Variants in EGFR observed in about 807,000 individuals in gnomAD.
The protein encoded by EGFR is avian erythroblastic leukemia viral (v-erb-b) oncogene homolog.
A neutral mutation model predicts 143.0 loss-of-function variants in EGFR; 58 were observed. The observed-to-expected ratio is 0.41, with a 90% CI of 0.33 to 0.50. The LOEUF is 0.50. Ranked by LOEUF, EGFR falls within the 20% of genes least tolerant of loss-of-function variation. The pLI, the probability that EGFR is intolerant of heterozygous loss-of-function variation, is 0.39. For missense variants in EGFR, 1,307 were observed against 1,579.0 expected, an observed-to-expected ratio of 0.83 and a Z score of 2.92; for synonymous variants, 613 against 594.4, an observed-to-expected ratio of 1.03 and a Z score of -0.45.
chr7:55,154,235 C>G (rs1785299231), intron 7 of EGFR, 83 bp downstream of exon 7: 2 of 1,598,066 alleles, frequency 1.3e-6, no homozygotes, highest in African/African-American at 2.7e-5. Flanking sequence ...AGTATCCCAT[C>G]TTGGAGAGTC....
intron 1 of EGFR, among the ~76,000 whole-genome samples, chr7:55,074,187 C>T (rs1356558347): frequency 1.3e-5 from 2 of 152,208 alleles, no homozygotes; most frequent in Non-Finnish European, 2.9e-5. Context: ...AAGAGGCCAG[C>T]CCCACCCTTC....
At chr7:55,050,503 ACTTGGGT>A in intron 1 of EGFR, among the ~76,000 whole-genome samples, 1 of 152,214 alleles carries the variant, frequency 6.6e-6, no homozygotes, top group Non-Finnish European at 1.5e-5. Flanking sequence ...ACGGGAGGGC[ACTTGGGT>A]TGCTTCTGCT....
chr7:55,176,665 A>G (rs1424735722), intron 19 of EGFR, among the ~76,000 whole-genome samples: 3 of 151,904 alleles, frequency 2.0e-5, no homozygotes, highest in Non-Finnish European at 4.4e-5. Context: ...GTGAGCTAAA[A>G]TCTCACCACT....
chr7:55,062,322 G>C (rs1196631449), intron 1 of EGFR, among the ~76,000 whole-genome samples: 7 of 152,182 alleles, frequency 4.6e-5, no homozygotes, highest in Non-Finnish European at 8.8e-5. Context: ...GGAGGCAGGA[G>C]TGTTGGCTTT....
At chr7:55,178,050 A>G (rs950662409) in intron 19 of EGFR, among the ~76,000 whole-genome samples, 1 of 152,028 alleles carries the variant, frequency 6.6e-6, no homozygotes, top group Non-Finnish European at 1.5e-5. Flanking sequence ...TGTGGCCGAC[A>G]CCCACGCCCC....
intron 1 of EGFR, among the ~76,000 whole-genome samples, chr7:55,057,553 G>T (rs1006948429): frequency 6.6e-6 from 1 of 152,238 alleles, no homozygotes; most frequent in Non-Finnish European, 1.5e-5. Context: ...GAAAGGATAT[G>T]TGTGTGAGAG....
chr7:55,109,747 C>T, intron 1 of EGFR: 1 of 985,330 alleles, frequency 1.0e-6, no homozygotes. Context: ...CCTAGGATTG[C>T]ATTTATTTCC....
At chr7:55,157,571 A>G (rs1323063547) in intron 10 of EGFR, 92 bp from the exon 11 acceptor site, 2 of 1,032,758 alleles carry the variant, frequency 1.9e-6, no homozygotes, top group African/African-American at 3.1e-5. Context: ...CTGTTCATAT[A>G]ATACAGAGTC....
At chr7:55,059,631 C>G (rs1240277122) in intron 1 of EGFR, among the ~76,000 whole-genome samples, 1 of 152,098 alleles carries the variant, frequency 6.6e-6, no homozygotes. Flanking sequence ...CTCACTCCTC[C>G]TTCCCACCCT....
chr7:55,188,615 C>T (rs1334980731), intron 20 of EGFR, among the ~76,000 whole-genome samples: 2 of 152,138 alleles, frequency 1.3e-5, no homozygotes, highest in Non-Finnish European at 2.9e-5. Flanking sequence ...TGAGAGGCCC[C>T]GCTGAGGCTT....
chr7:55,102,354 C>T (rs138290352), intron 1 of EGFR, among the ~76,000 whole-genome samples: 2 of 152,376 alleles, frequency 1.3e-5, no homozygotes, highest in African/African-American at 4.8e-5. Context: ...GGGCACTCCA[C>T]TCCACATTCT....
intron 1 of EGFR, among the ~76,000 whole-genome samples, chr7:55,076,781 T>C (rs1307381380): frequency 6.6e-6 from 1 of 152,182 alleles, no homozygotes. Context: ...TGTCAGAATA[T>C]ATATACTACA....
At chr7:55,106,581 C>T (rs571725348) in intron 1 of EGFR, among the ~76,000 whole-genome samples, 1 of 152,326 alleles carries the variant, frequency 6.6e-6, no homozygotes, top group Non-Finnish European at 1.5e-5. Context: ...CCTGCACTGC[C>T]TGTGCACTCC....
chr7:55,033,529 G>T (rs923538811), intron 1 of EGFR, among the ~76,000 whole-genome samples: 1 of 152,168 alleles, frequency 6.6e-6, no homozygotes, highest in African/African-American at 2.4e-5. Context: ...TCATAGGGTC[G>T]CAGAGGGGAT....
chr7:55,172,810 A>G, intron 16 of EGFR, 173 bp from the exon 17 acceptor site: 1 of 1,539,410 alleles, frequency 6.5e-7, no homozygotes. Context: ...GAAAGTTGGA[A>G]ACGTTGCCTT....
chr7:55,123,270 G>C (rs1472457720), intron 1 of EGFR, among the ~76,000 whole-genome samples: 1 of 152,172 alleles, frequency 6.6e-6, no homozygotes, highest in Non-Finnish European at 1.5e-5. Flanking sequence ...AGGTATTGTG[G>C]TGATATTGCG....
chr7:55,102,778 T>A (rs184853032), intron 1 of EGFR, among the ~76,000 whole-genome samples: 71 of 152,288 alleles, frequency 4.7e-4, no homozygotes, highest in African/African-American at 1.6e-3. Flanking sequence ...ATTTTAAAAA[T>A]TTTTTTAAAA....
intron 1 of EGFR, among the ~76,000 whole-genome samples, chr7:55,057,271 G>C (rs539470916): frequency 6.6e-6 from 1 of 152,320 alleles, no homozygotes; most frequent in South Asian, 2.1e-4. Flanking sequence ...CCCTGGAATT[G>C]CTTAAGCAAA....
intron 1 of EGFR, among the ~76,000 whole-genome samples, chr7:55,054,172 A>G (rs1788654139): frequency 6.6e-6 from 1 of 152,280 alleles, no homozygotes; most frequent in Non-Finnish European, 1.5e-5. Flanking sequence ...TCTGGAAGGT[A>G]TAAAGGCTCC....
Sources: allele counts gnomAD v4.1 joint callset (sites outside exome capture counted in the v4.1 genomes callset), GRCh38; gene constraint gnomAD v4.1.1; transcripts MANE v1.5; gene names NCBI Gene and HGNC (gene_info 2026-07-23, HGNC 2026-07-21).